BNC2: variants seen among roughly 807,000 people sequenced by gnomAD.
BNC2 encodes the protein basonuclin zinc finger protein 2, also known as zinc finger protein basonuclin-2.
BNC2 carries 20 observed loss-of-function variants against 76.3 expected under a neutral mutation model. The observed-to-expected ratio is 0.26, with a 90% CI of 0.18 to 0.38. BNC2 has a LOEUF of 0.38. Among genes scored for constraint, BNC2 ranks in the 10% least tolerant of loss-of-function variants. BNC2 has a pLI of 1.00. For synonymous variants in BNC2, 582 were observed against 514.8 expected (o/e 1.13, Z -1.77); for missense variants, 1,382 against 1,399.8 (o/e 0.99, Z 0.20).
intron 1 of BNC2, among the ~76,000 whole-genome samples, chr9:16,806,712 A>G (rs553927871): frequency 2.0e-5 from 3 of 152,362 alleles, no homozygotes; most frequent in Admixed American, 1.3e-4. Flanking sequence ...CCTATCTTAC[A>G]GTTCTCAACA....
chr9:16,656,231 T>C (rs961307186), intron 3 of BNC2, among the ~76,000 whole-genome samples: 1 of 152,160 alleles, frequency 6.6e-6, no homozygotes, highest in Non-Finnish European at 1.5e-5. Flanking sequence ...AGAATGTGCT[T>C]AATTCTACCT....
At chr9:16,837,713 G>C (rs1022660793) in intron 1 of BNC2, among the ~76,000 whole-genome samples, 1 of 152,100 alleles carries the variant, frequency 6.6e-6, no homozygotes, top group African/African-American at 2.4e-5. Context: ...AGGTATATAA[G>C]ACAGGTATTC....
chr9:16,446,321 A>G (rs1821230801), intron 5 of BNC2, among the ~76,000 whole-genome samples: 1 of 152,186 alleles, frequency 6.6e-6, no homozygotes, highest in South Asian at 2.1e-4. Flanking sequence ...AGTCAAAAGA[A>G]TGCCTCTCCT....
At chr9:16,827,205 C>T (rs972001542) in intron 1 of BNC2, among the ~76,000 whole-genome samples, 20 of 152,296 alleles carry the variant, frequency 1.3e-4, no homozygotes, top group Admixed American at 1.2e-3. Flanking sequence ...CTGCACGATA[C>T]ATATTTGCCC....
intron 1 of BNC2, among the ~76,000 whole-genome samples, chr9:16,863,247 G>A (rs537934553): frequency 3.9e-5 from 6 of 152,232 alleles, no homozygotes; most frequent in South Asian, 2.1e-4. Context: ...ACTTCCGCCC[G>A]CTGGCCAAAA....
chr9:16,814,992 A>C (rs1818147045), intron 1 of BNC2, among the ~76,000 whole-genome samples: 1 of 152,186 alleles, frequency 6.6e-6, no homozygotes, highest in Non-Finnish European at 1.5e-5. Context: ...AAGTATAAAT[A>C]TTCAGTGTAA....
At chr9:16,793,860 G>T (rs28569806) in intron 1 of BNC2, among the ~76,000 whole-genome samples, 2,557 of 97,276 alleles carry the variant, frequency 0.026, 79 homozygotes, top group African/African-American at 0.08. Flanking sequence ...TGTGGTTTTT[G>T]TTTTTTTGTT....
At chr9:16,770,018 G>A (rs555256447) in intron 1 of BNC2, among the ~76,000 whole-genome samples, 2 of 152,164 alleles carry the variant, frequency 1.3e-5, no homozygotes, top group Non-Finnish European at 1.5e-5. Context: ...ACAGCCTACG[G>A]TTTTGCTCAA....
intron 3 of BNC2, among the ~76,000 whole-genome samples, chr9:16,679,827 G>C (rs1822769619): frequency 1.3e-5 from 2 of 152,260 alleles, no homozygotes; most frequent in Admixed American, 1.3e-4. Flanking sequence ...GCTCCTGCCA[G>C]AGGAGTTCCT....
Position 16,482,247 on chromosome 9 carries a change from C to T in BNC2, c.670-44723G>A, listed in dbSNP as rs938671026. 4.6e-5 allele frequency among the ~76,000 whole-genome samples: 7 copies of T among 152,142 alleles called. No individual in the cohort carries two copies. The South Asian group carries it at 6.2e-4, about 14-fold the overall frequency. ...CCAAACACAGTCTTCCAGCAGATTG[C>T]ATCATAAAGGATACTTCTGATTAAA... On this transcript the variant is annotated intron_variant, in intron 5 of 6. Coordinates refer to ENST00000380672, the MANE Select transcript of BNC2 (RefSeq NM_017637.6).
At position 16,411,319 on chromosome 9, in the gene BNC2, C is replaced by T. The variant is rs951862214; in HGVS notation, c.*7670G>A. 9 of 152,738 alleles carry T rather than the reference C, an allele frequency of 5.9e-5. No homozygotes were observed. Among genetic ancestry groups the T allele is most frequent in the Non-Finnish European group, 5.9e-5 (4 of 68,022 alleles). 9.5% of individuals were successfully genotyped at this position (152,738 alleles called of 1,614,324 possible). Reference sequence around the variant, plus strand: ...GTATAGCACTTAGATACTCTCTCTTCAAGAAATATACTTTCAATACTATCT... The same window carrying T: ...GTATAGCACTTAGATACTCTCTCTTTAAGAAATATACTTTCAATACTATCT... On this transcript the variant is annotated 3_prime_UTR_variant, in exon 7 of 7. Coordinates refer to ENST00000380672, the MANE Select transcript of BNC2 (RefSeq NM_017637.6).
chr9:16,444,714 A>G (rs1418878211), intron 5 of BNC2, among the ~76,000 whole-genome samples: 1 of 152,208 alleles, frequency 6.6e-6, no homozygotes, highest in Non-Finnish European at 1.5e-5. Context: ...TGTGGAAGAG[A>G]AACCTTTGAG....
intron 1 of BNC2, among the ~76,000 whole-genome samples, chr9:16,798,879 C>T (rs981384553): frequency 6.6e-6 from 1 of 152,026 alleles, no homozygotes; most frequent in African/African-American, 2.4e-5. Flanking sequence ...CCCTTTCTGC[C>T]ACTTAAGCTG....
chr9:16,829,570 C>A (rs1818533424), intron 1 of BNC2, among the ~76,000 whole-genome samples: 1 of 152,220 alleles, frequency 6.6e-6, no homozygotes, highest in African/African-American at 2.4e-5. Flanking sequence ...TAGGCCAAAA[C>A]ACATTCTCAC....
chr9:16,616,820 A>AAGGAAGGAAGGAAGAAAGG (rs754810040), intron 3 of BNC2, among the ~76,000 whole-genome samples: 4 of 129,144 alleles, frequency 3.1e-5, no homozygotes, highest in Middle Eastern at 3.9e-3. Flanking sequence ...AGGAAGGAAG[A>AAGGAAGGAAGGAAGAAAGG]AAGGAAGGAA....
intron 1 of BNC2, among the ~76,000 whole-genome samples, chr9:16,810,001 T>C (rs899145332): frequency 4.6e-5 from 7 of 152,130 alleles, no homozygotes; most frequent in African/African-American, 1.4e-4. Flanking sequence ...GCCTCCCCTC[T>C]AGGATGATAA....
intron 5 of BNC2, among the ~76,000 whole-genome samples, chr9:16,493,964 G>A (rs1822331986): frequency 6.6e-6 from 1 of 152,060 alleles, no homozygotes; most frequent in African/African-American, 2.4e-5. Flanking sequence ...AGGCAGGCAG[G>A]GGCCAAGTTC....
intron 3 of BNC2, among the ~76,000 whole-genome samples, chr9:16,651,081 A>T (rs1821781978): frequency 6.6e-6 from 1 of 152,192 alleles, no homozygotes; most frequent in African/African-American, 2.4e-5. Flanking sequence ...TATTTTAAGG[A>T]TTAATGAAAA....
intron 5 of BNC2, among the ~76,000 whole-genome samples, chr9:16,454,241 C>T (rs1304079600): frequency 3.9e-5 from 6 of 152,170 alleles, no homozygotes; most frequent in Admixed American, 1.3e-4. Context: ...GTAAAATACA[C>T]ATCTTTCTAC....
Sources: gnomAD v4.1 joint callset for allele counts (sites outside exome capture counted in the v4.1 genomes callset) on GRCh38, gnomAD v4.1.1 for gene constraint, MANE v1.5 for transcripts, NCBI Gene and HGNC (gene_info 2026-07-23, HGNC 2026-07-21) for gene names.